The following TOM1L1 variants were observed in gnomAD, a reference collection of about 807,000 sequenced individuals.
TOM1L1 encodes TOM1-like protein 1.
In TOM1L1, 64 loss-of-function variants were observed where a neutral mutation model predicts 63.4. The observed-to-expected ratio is 1.01, with a 90% CI of 0.83 to 1.24. TOM1L1 has a LOEUF of 1.24. Ranked by LOEUF, TOM1L1 falls within the 50% of genes most tolerant of loss-of-function variation. The probability of loss-of-function intolerance (pLI) is 0.00; values close to 1 mark genes in which losing one functional copy is unlikely to be tolerated. For synonymous variants in TOM1L1, 166 were observed against 194.4 expected (o/e 0.85, Z 1.22); for missense variants, 536 against 567.0 (o/e 0.95, Z 0.55).
chr17:54,901,161 C>T (rs1294515296), intron 1 of TOM1L1: 8 of 601,086 alleles, frequency 1.3e-5, no homozygotes, highest in Non-Finnish European at 2.3e-5. Context: ...TCGATGCCGC[C>T]TGGGGAGTGG....
chr17:54,918,288 A>T (rs897255226), intron 7 of TOM1L1, among the ~76,000 whole-genome samples: 5 of 152,184 alleles, frequency 3.3e-5, no homozygotes, highest in Non-Finnish European at 7.4e-5. Flanking sequence ...AAAAATAATA[A>T]AAACAAACAA....
At chr17:54,920,066 G>A (rs2048658414) in intron 7 of TOM1L1, among the ~76,000 whole-genome samples, 1 of 151,406 alleles carries the variant, frequency 6.6e-6, no homozygotes, top group Admixed American at 6.6e-5. Flanking sequence ...ATTCTTTAGG[G>A]TGTATTTTTT....
chr17:54,951,098 C>G (rs909195794), intron 14 of TOM1L1, among the ~76,000 whole-genome samples: 1 of 152,184 alleles, frequency 6.6e-6, no homozygotes, highest in African/African-American at 2.4e-5. Context: ...GGCCTCTAAA[C>G]TTAGGACTGA....
chr17:54,944,888 T>G (rs892142791), intron 11 of TOM1L1, among the ~76,000 whole-genome samples: 5 of 152,242 alleles, frequency 3.3e-5, no homozygotes, highest in African/African-American at 1.2e-4. Context: ...TTTCTTTTGT[T>G]TCTTTCTCTT....
intron 8 of TOM1L1, among the ~76,000 whole-genome samples, chr17:54,935,547 G>A (rs535448564): frequency 2.0e-5 from 3 of 152,000 alleles, no homozygotes; most frequent in Admixed American, 6.6e-5. Context: ...GCATTTCCAC[G>A]TTCATCCACC....
chr17:54,956,766 T>C (rs936546784), intron 14 of TOM1L1: 1 of 152,146 alleles, frequency 6.6e-6, no homozygotes, highest in Non-Finnish European at 1.5e-5. Flanking sequence ...CTTTGAGCAA[T>C]AGTTTTATTA....
intron 7 of TOM1L1, among the ~76,000 whole-genome samples, chr17:54,923,095 T>A (rs780487243): frequency 2.0e-5 from 3 of 152,224 alleles, no homozygotes; most frequent in Admixed American, 6.5e-5. Flanking sequence ...TTTAATGGCC[T>A]AATATTTCAT....
chr17:54,937,497 A>T (rs563725663), intron 10 of TOM1L1: 4 of 423,732 alleles, frequency 9.4e-6, no homozygotes, highest in South Asian at 5.5e-5. Context: ...GAAGTTGTTC[A>T]GCCCAATGGC....
At chr17:54,936,399 G>A (rs1598039648) in intron 8 of TOM1L1, 1 of 356,980 alleles carries the variant, frequency 2.8e-6, no homozygotes, top group East Asian at 5.2e-5. Flanking sequence ...CTGGAATAAT[G>A]TTAATAGATT....
At position 54,961,927 on chromosome 17, in the gene TOM1L1, T is replaced by C. The variant is rs969888782; in HGVS notation, c.*694T>C. The C allele has an allele frequency of 1.6e-5, 14 of 898,562 alleles. No homozygotes were observed. Among genetic ancestry groups the C allele is most frequent in the African/African-American group, 1.4e-4 (8 of 55,538 alleles). 55.7% of individuals were successfully genotyped at this position (898,562 alleles called of 1,614,324 possible). On this transcript the variant is annotated 3_prime_UTR_variant, in exon 16 of 16. Coordinates refer to ENST00000575882, the MANE Select transcript of TOM1L1 (RefSeq NM_005486.3). ...AAAATATTTAGAATAAGTTGTACAT[T>C]TGATGACAAATAAATCACTATTAAA...
chr17:54,924,261 TTTTTC>T (rs972880515), intron 7 of TOM1L1, among the ~76,000 whole-genome samples: 6 of 150,388 alleles, frequency 4.0e-5, no homozygotes, highest in African/African-American at 1.5e-4. Flanking sequence ...CAGCTTTTTC[TTTTTC>T]TTTTCTTTTC....
intron 14 of TOM1L1, chr17:54,954,332 T>C (rs534569399): frequency 6.6e-6 from 1 of 152,306 alleles, no homozygotes; most frequent in East Asian, 1.9e-4. Context: ...TTTCCAGTTA[T>C]ACAAGTCAAC....
intron 11 of TOM1L1, among the ~76,000 whole-genome samples, chr17:54,940,592 T>G (rs1025873436): frequency 6.6e-6 from 1 of 152,218 alleles, no homozygotes; most frequent in African/African-American, 2.4e-5. Flanking sequence ...AGTTGGGGAC[T>G]GGTTAAATAA....
At chr17:54,913,911 G>C (rs374246831) in intron 5 of TOM1L1, 38 bp downstream of exon 5, 1 of 1,578,658 alleles carries the variant, frequency 6.3e-7, no homozygotes, top group African/African-American at 1.4e-5. Flanking sequence ...GACTATAGTA[G>C]TGTATCACTT....
In TOM1L1 at chr17:54,900,927, A is replaced by C. The variant is rs1359738533; in HGVS notation, c.58+4A>C. The C allele has an allele frequency of 6.2e-7, 1 of 1,613,926 alleles. No homozygotes were observed. The highest frequency in any genetic ancestry group is 1.7e-5 in the Admixed American group (1 of 60,026). On this transcript the variant is annotated splice_donor_region_variant and intron_variant, in intron 1 of 15. Coordinates refer to ENST00000575882, the MANE Select transcript of TOM1L1 (RefSeq NM_005486.3). ...ACCTCCGTGGGCCACCTCATAGGTAAGGAGGCGCGGGGAGAGACGCCCAGG... is the reference window on the plus strand; with the variant it reads ...ACCTCCGTGGGCCACCTCATAGGTACGGAGGCGCGGGGAGAGACGCCCAGG...
chr17:54,937,078 A>G, intron 9 of TOM1L1, 31 bp from the exon 10 acceptor site: 2 of 1,414,722 alleles, frequency 1.4e-6, no homozygotes, highest in Admixed American at 1.8e-5. Flanking sequence ...AAACTACATG[A>G]CACTTTTTTT....
chr17:54,922,026 C>T (rs2048692164), intron 7 of TOM1L1, among the ~76,000 whole-genome samples: 1 of 152,152 alleles, frequency 6.6e-6, no homozygotes, highest in African/African-American at 2.4e-5. Flanking sequence ...GGCACAGTGG[C>T]TTATGCCTGT....
intron 14 of TOM1L1, among the ~76,000 whole-genome samples, chr17:54,958,748 A>AAAAAAAAAAAAAAAGG (rs372776781): frequency 8.4e-6 from 1 of 118,928 alleles, no homozygotes; most frequent in Non-Finnish European, 1.7e-5. Flanking sequence ...AAAAAAAAAA[A>AAAAAAAAAAAAAAAGG]GGGGTTGTTG....
chr17:54,955,901 G>A (rs1054519041), intron 14 of TOM1L1, among the ~76,000 whole-genome samples: 1 of 152,166 alleles, frequency 6.6e-6, no homozygotes, highest in Non-Finnish European at 1.5e-5. Context: ...TGTGGTGCTG[G>A]TCAGTGGACT....
Sources: allele counts gnomAD v4.1 joint callset (sites outside exome capture counted in the v4.1 genomes callset), GRCh38; gene constraint gnomAD v4.1.1; transcripts MANE v1.5; gene names NCBI Gene and HGNC (gene_info 2026-07-23, HGNC 2026-07-21).